Variants in WWOX observed in about 807,000 individuals in gnomAD.
WWOX encodes the protein WW domain-containing oxidoreductase.
In WWOX, 69 loss-of-function variants were observed where a neutral mutation model predicts 46.2. The observed-to-expected ratio is 1.49, with a 90% CI of 1.23 to 1.82. The LOEUF (loss-of-function observed/expected upper bound fraction) is 1.82. Among genes scored for constraint, WWOX ranks in the 40% most tolerant of loss-of-function variants. The probability of loss-of-function intolerance (pLI) is 0.00; values close to 1 mark genes in which losing one functional copy is unlikely to be tolerated. For missense variants in WWOX, 919 were observed against 542.6 expected (o/e 1.69, Z -6.89); for synonymous variants, 359 against 202.6 (o/e 1.77, Z -6.56).
intron 8 of WWOX, among the ~76,000 whole-genome samples, chr16:79,003,557 A>G (rs960685878): frequency 1.3e-5 from 2 of 152,074 alleles, no homozygotes; most frequent in African/African-American, 4.8e-5. Flanking sequence ...GTGGCTGTTG[A>G]TGGAGGTCAT....
intron 8 of WWOX, among the ~76,000 whole-genome samples, chr16:78,904,750 C>G (rs1289333839): frequency 6.6e-6 from 1 of 152,196 alleles, no homozygotes; most frequent in Non-Finnish European, 1.5e-5. Flanking sequence ...TATGATCTGT[C>G]ACACTTAGTA....
At chr16:78,995,398 G>T (rs2046970516) in intron 8 of WWOX, among the ~76,000 whole-genome samples, 1 of 152,084 alleles carries the variant, frequency 6.6e-6, no homozygotes, top group African/African-American at 2.4e-5. Context: ...CATGGAATGG[G>T]AAGATGAAAA....
intron 8 of WWOX, among the ~76,000 whole-genome samples, chr16:78,500,330 G>A (rs1406218070): frequency 1.3e-5 from 2 of 152,132 alleles, no homozygotes; most frequent in East Asian, 3.8e-4. Flanking sequence ...AATTATTCCC[G>A]CTGCCATTCA....
rs1223542073 is a variant in WWOX at position 78,147,690 on chromosome 16, TTTTTTTAA to T, written c.410-16492_410-16485del. 3.5e-3 allele frequency among the ~76,000 whole-genome samples: 385 copies of T among 109,088 alleles called. 7 individuals carry two copies. Among genetic ancestry groups the T allele is most frequent in the South Asian group, 0.015 (38 of 2,532 alleles). The allele number at this position is 109,088 out of a possible 152,430, so 71.6% of individuals were successfully genotyped here. A position where few individuals can be genotyped will look rare whatever the true frequency, so the allele number is the denominator to read the frequency against. On this transcript the variant is annotated intron_variant, in intron 4 of 8. Transcript: ENST00000566780. Reference sequence around the variant, plus strand: ...TTCTTTCTTCCTTTTTTTTTTTTTTTTTTTTTAAAAAAAAAAAAGGTGCTTGAATTAGA... The same window carrying T: ...TTCTTTCTTCCTTTTTTTTTTTTTTTAAAAAAAAAAGGTGCTTGAATTAGA...
chr16:79,042,908 G>A (rs2047999572), intron 8 of WWOX, among the ~76,000 whole-genome samples: 1 of 152,132 alleles, frequency 6.6e-6, no homozygotes, highest in Non-Finnish European at 1.5e-5. Context: ...GATTTTAAGT[G>A]ATGCGTCAGA....
chr16:78,618,583 A>C (rs1248215344), intron 8 of WWOX, among the ~76,000 whole-genome samples: 1 of 152,168 alleles, frequency 6.6e-6, no homozygotes, highest in African/African-American at 2.4e-5. Flanking sequence ...AAACACAGTC[A>C]CATTGTGAGG....
chr16:78,240,587 G>A (rs1399125395), intron 5 of WWOX, among the ~76,000 whole-genome samples: 1 of 152,102 alleles, frequency 6.6e-6, no homozygotes, highest in Non-Finnish European at 1.5e-5. Context: ...GGCAGCCCTA[G>A]CACACTGCCA....
At chr16:78,113,975 G>T (rs544816872) in intron 3 of WWOX, among the ~76,000 whole-genome samples, 2 of 151,474 alleles carry the variant, frequency 1.3e-5, no homozygotes, top group East Asian at 3.9e-4. Context: ...ATATTTAGAG[G>T]CTTCTTAATA....
In WWOX at chr16:78,243,014, C is replaced by A. The variant is rs556131462; in HGVS notation, c.516+78725C>A. On this transcript the variant is annotated intron_variant, in intron 5 of 8. Transcript: ENST00000566780. ...CAGAGGGAGACTGTCTCAAAAAAAA[C>A]CAAAAACAAAAAAAGAGACATGTGA... 2.0e-3 allele frequency among the ~76,000 whole-genome samples: 308 copies of A among 151,248 alleles called. 2 individuals carry two copies. Among genetic ancestry groups the A allele is most frequent in the South Asian group, 3.8e-3 (18 of 4,774 alleles).
At chr16:78,416,169 A>G (rs2082793594) in intron 6 of WWOX, among the ~76,000 whole-genome samples, 1 of 152,140 alleles carries the variant, frequency 6.6e-6, no homozygotes, top group African/African-American at 2.4e-5. Flanking sequence ...GAAGGATACT[A>G]TTTTTGTTTC....
At chr16:79,101,126 T>G (rs922809760) in intron 8 of WWOX, 1 of 152,232 alleles carries the variant, frequency 6.6e-6, no homozygotes, top group Admixed American at 6.5e-5. Flanking sequence ...TATTTTGCAT[T>G]CTGTACAGGA....
rs187223270 is a variant in WWOX at position 78,721,771 on chromosome 16, T to C, written c.1056+289019T>C. ...GAGAGATTACATACACAGGGCCAGG[T>C]ACATAGCAGGTGCTCCGAAGATACC... On this transcript the variant is annotated intron_variant, in intron 8 of 8. Transcript: ENST00000566780. 4.4e-3 allele frequency among the ~76,000 whole-genome samples: 674 copies of C among 152,336 alleles called. 5 individuals carry two copies. The highest frequency in any genetic ancestry group is 0.016 in the African/African-American group (646 of 41,586).
chr16:78,752,172 G>A (rs765573000), intron 8 of WWOX, among the ~76,000 whole-genome samples: 3 of 152,154 alleles, frequency 2.0e-5, no homozygotes, highest in Non-Finnish European at 2.9e-5. Context: ...GATTCACTTC[G>A]ATGCGTACTG....
At chr16:78,716,308 C>T (rs1279507768) in intron 8 of WWOX, among the ~76,000 whole-genome samples, 1 of 152,072 alleles carries the variant, frequency 6.6e-6, no homozygotes, top group Non-Finnish European at 1.5e-5. Context: ...TCCCCTCCAG[C>T]CTTTGGAGGG....
At chr16:79,159,319 C>A (rs1200886684) in intron 8 of WWOX, among the ~76,000 whole-genome samples, 1 of 152,184 alleles carries the variant, frequency 6.6e-6, no homozygotes, top group East Asian at 1.9e-4. Context: ...AATTATAAAG[C>A]AGTGTTAAAT....
intron 8 of WWOX, among the ~76,000 whole-genome samples, chr16:78,962,424 C>G (rs969664894): frequency 6.9e-6 from 1 of 144,106 alleles, no homozygotes; most frequent in African/African-American, 2.6e-5. Context: ...TTTACACATT[C>G]ATAATTTCCT....
At chr16:78,488,993 G>A (rs1228960100) in intron 8 of WWOX, among the ~76,000 whole-genome samples, 2 of 152,144 alleles carry the variant, frequency 1.3e-5, no homozygotes, top group African/African-American at 2.4e-5. Context: ...ACAGAACTTC[G>A]CAGTCTCTGC....
intron 5 of WWOX, among the ~76,000 whole-genome samples, chr16:78,374,599 A>C (rs1390555398): frequency 7.8e-6 from 1 of 128,510 alleles, no homozygotes; most frequent in Admixed American, 9.3e-5. Flanking sequence ...CCCAGGCTGG[A>C]GTGCAGTGGC....
chr16:78,576,869 C>G (rs79184338), intron 8 of WWOX, among the ~76,000 whole-genome samples: 4,327 of 152,338 alleles, frequency 0.028, 156 homozygotes, highest in East Asian at 0.12. Context: ...AATCCTTTCT[C>G]AAGATTCCTT....
Sources: gnomAD v4.1 joint callset for allele counts (sites outside exome capture counted in the v4.1 genomes callset) on GRCh38, gnomAD v4.1.1 for gene constraint, MANE v1.5 for transcripts, NCBI Gene and HGNC (gene_info 2026-07-23, HGNC 2026-07-21) for gene names.